The following DACH2 variants were observed in gnomAD, a reference collection of about 807,000 sequenced individuals.
DACH2 encodes the protein dachshund homolog 2.
A neutral mutation model predicts 35.8 loss-of-function variants in DACH2; 17 were observed. The observed-to-expected ratio is 0.48, with a 90% CI of 0.33 to 0.71. The LOEUF is 0.71. DACH2 is among the 30% of genes least tolerant of loss of function. The pLI is 0.02. For synonymous variants in DACH2, 195 were observed against 177.3 expected, an observed-to-expected ratio of 1.10 and a Z score of -0.79; for missense variants, 469 against 472.7, an observed-to-expected ratio of 0.99 and a Z score of 0.07.
intron 1 of DACH2, among the ~76,000 whole-genome samples, chrX:86,215,705 A>G (rs2032555298): frequency 2.7e-5 from 3 of 111,794 alleles, no homozygotes; most frequent in Non-Finnish European, 3.8e-5. Context: ...TTAGAGTACA[A>G]GCACAAATGC....
At chrX:86,718,964 C>A (rs1377919089) in intron 6 of DACH2, among the ~76,000 whole-genome samples, 2 of 111,822 alleles carry the variant, frequency 1.8e-5, no homozygotes, top group African/African-American at 6.5e-5. Context: ...TATTTGTGCT[C>A]TTTTTTAGTT....
chrX:86,397,439 T>A (rs190416657), intron 2 of DACH2, among the ~76,000 whole-genome samples: 5 of 110,891 alleles, frequency 4.5e-5, no homozygotes, highest in African/African-American at 1.6e-4. Context: ...TGAATAGGAG[T>A]GGTGAGAGAG....
chrX:86,802,969 C>A (rs1209185020), intron 7 of DACH2, among the ~76,000 whole-genome samples: 3 of 112,208 alleles, frequency 2.7e-5, no homozygotes, highest in African/African-American at 6.5e-5. Context: ...TGTTACTTGG[C>A]ACTCATAAAA....
intron 10 of DACH2, among the ~76,000 whole-genome samples, chrX:86,815,580 T>TACACAC (rs1052994183): frequency 9.3e-6 from 1 of 107,127 alleles, no homozygotes; most frequent in African/African-American, 3.4e-5. Context: ...ACTTACTATA[T>TACACAC]ATATATATAC....
intron 1 of DACH2, among the ~76,000 whole-genome samples, chrX:86,291,682 T>G (rs1461699454): frequency 1.9e-5 from 2 of 104,159 alleles, no homozygotes; most frequent in East Asian, 6.2e-4. Flanking sequence ...ATTGAGATAA[T>G]CATGTGGTTT....
chrX:86,640,461 C>T (rs927064518), intron 3 of DACH2, among the ~76,000 whole-genome samples: 1 of 111,656 alleles, frequency 9.0e-6, no homozygotes. Context: ...AAAGCACAAA[C>T]CTTCTCTCTT....
chrX:86,517,860 G>A (rs761159511), intron 3 of DACH2, among the ~76,000 whole-genome samples: 2 of 111,706 alleles, frequency 1.8e-5, no homozygotes, highest in East Asian at 5.7e-4. Context: ...TGTTTACTCT[G>A]TTGATAGTTT....
At chrX:86,435,105 A>G (rs1018620794) in intron 2 of DACH2, among the ~76,000 whole-genome samples, 4 of 111,446 alleles carry the variant, frequency 3.6e-5, no homozygotes, top group African/African-American at 1.3e-4. Flanking sequence ...GGGGATTACA[A>G]TTCAACATGA....
chrX:86,244,593 A>G (rs1457474583), intron 1 of DACH2, among the ~76,000 whole-genome samples: 12 of 111,652 alleles, frequency 1.1e-4, no homozygotes, highest in African/African-American at 3.9e-4. Flanking sequence ...CAGCCTGGGC[A>G]GTAGAGTGAG....
At chrX:86,325,567 A>G (rs1381023347) in intron 1 of DACH2, among the ~76,000 whole-genome samples, 1 of 111,913 alleles carries the variant, frequency 8.9e-6, no homozygotes, top group African/African-American at 3.2e-5. Flanking sequence ...TCAATTTTTA[A>G]TATTTTAATT....
chrX:86,542,044 AT>A (rs746644211), intron 3 of DACH2, among the ~76,000 whole-genome samples: 4 of 110,117 alleles, frequency 3.6e-5, no homozygotes, highest in Admixed American at 2.9e-4. Context: ...ATTTTAAACT[AT>A]TTTTTTTTCT....
intron 4 of DACH2, among the ~76,000 whole-genome samples, chrX:86,683,307 C>A (rs2040903333): frequency 1.2e-5 from 1 of 84,863 alleles, no homozygotes. Flanking sequence ...TCAATGTTTA[C>A]CAGCCAAACC....
At chrX:86,735,105 A>G (rs1412530420) in intron 6 of DACH2, among the ~76,000 whole-genome samples, 2 of 111,888 alleles carry the variant, frequency 1.8e-5, no homozygotes, top group Admixed American at 9.5e-5. Context: ...AGAAATCAAT[A>G]TAATAAAATA....
intron 1 of DACH2, among the ~76,000 whole-genome samples, chrX:86,159,073 TAATC>T (rs887392844): frequency 7.2e-5 from 8 of 111,703 alleles, no homozygotes; most frequent in East Asian, 2.8e-4. Flanking sequence ...TTCATAAAGT[TAATC>T]AATCCATGAG....
intron 1 of DACH2, among the ~76,000 whole-genome samples, chrX:86,217,840 C>A (rs1161943341): frequency 1.8e-5 from 2 of 111,305 alleles, no homozygotes; most frequent in African/African-American, 6.5e-5. Flanking sequence ...GCGTAAGAAA[C>A]CAAGTGATTA....
intron 3 of DACH2, among the ~76,000 whole-genome samples, chrX:86,524,754 T>A (rs750606824): frequency 2.0e-4 from 22 of 111,466 alleles, no homozygotes; most frequent in Non-Finnish European, 3.6e-4. Flanking sequence ...ATATTTGTCC[T>A]GCATGGCTGG....
intron 3 of DACH2, among the ~76,000 whole-genome samples, chrX:86,590,521 T>G: frequency 8.9e-6 from 1 of 112,217 alleles, no homozygotes; most frequent in African/African-American, 3.2e-5. Flanking sequence ...GAAGCTGCTG[T>G]ATATATTTTT....
chrX:86,781,870 T>C (rs2042092418), intron 7 of DACH2, among the ~76,000 whole-genome samples: 1 of 111,837 alleles, frequency 8.9e-6, no homozygotes, highest in African/African-American at 3.3e-5. Flanking sequence ...AGGGCATCCA[T>C]ATTGGAAAGA....
intron 7 of DACH2, among the ~76,000 whole-genome samples, chrX:86,779,501 G>A (rs1229852106): frequency 9.0e-6 from 1 of 111,678 alleles, no homozygotes; most frequent in African/African-American, 3.3e-5. Context: ...TCTGGAGATG[G>A]AAAGCCACTG....
Sources: gnomAD v4.1 joint callset for allele counts (sites outside exome capture counted in the v4.1 genomes callset) on GRCh38, gnomAD v4.1.1 for gene constraint, MANE v1.5 for transcripts, NCBI Gene and HGNC (gene_info 2026-07-23, HGNC 2026-07-21) for gene names.